Variants in ASAH1 observed in about 807,000 individuals in gnomAD.
The protein encoded by ASAH1 is acid ceramidase.
In ASAH1, 70 loss-of-function variants were observed where a neutral mutation model predicts 59.5. The ratio of observed to expected loss-of-function variants is 1.18; its 90% CI spans 0.97 to 1.43. The LOEUF (loss-of-function observed/expected upper bound fraction) is 1.43, where lower values mean the gene tolerates loss of function less well. ASAH1 is among the 40% of genes most tolerant of loss of function. The probability of loss-of-function intolerance (pLI) is 0.00; values close to 1 mark genes in which losing one functional copy is unlikely to be tolerated. For synonymous variants in ASAH1, 213 were observed against 166.5 expected, an observed-to-expected ratio of 1.28 and a Z score of -2.15; for missense variants, 660 against 482.5, an observed-to-expected ratio of 1.37 and a Z score of -3.45.
At position 18,059,629 on chromosome 8, in the gene ASAH1, T is replaced by C; in HGVS notation, c.860A>G (p.Gln287Arg). ...APAYFILGGN[Q>R]SGEGCVITRD... ...TGTAATCACACAACCTTCCCCAGAC[T>C]GGTTGCCTCCCAGGATAAAGTAGGC... The change falls in exon 11 of 14, where the codon CAG (glutamine) becomes CGG (arginine). Residue 287 changes from glutamine to arginine, a missense_variant. Physicochemically the swap from Gln to Arg is conservative, Grantham distance 43 (BLOSUM62 1). Coordinates refer to ENST00000637790, the MANE Select transcript of ASAH1 (RefSeq NM_177924.5). 6.2e-7 allele frequency: 1 copy of C among 1,614,248 alleles called. No individual in the cohort carries two copies. Among genetic ancestry groups the C allele is most frequent in the South Asian group, 1.1e-5 (1 of 91,090 alleles).
At chr8:18,073,382 C>A in intron 2 of ASAH1, 1 of 1,104,950 alleles carries the variant, frequency 9.1e-7, no homozygotes. Context: ...CAAGAAATAT[C>A]ATTTCATCAT....
chr8:18,076,664 G>A (rs1800416356), intron 1 of ASAH1: 2 of 152,138 alleles, frequency 1.3e-5, no homozygotes, highest in African/African-American at 4.8e-5. Context: ...TCTTGGAACT[G>A]TAGCTTGAGC....
At chr8:18,069,472 C>T in intron 4 of ASAH1, 1 of 262,182 alleles carries the variant, frequency 3.8e-6, no homozygotes, top group African/African-American at 2.2e-5. Flanking sequence ...CCCTGAGACA[C>T]TTAAGAAAAA....
chr8:18,061,269 C>G (rs1026863978), intron 10 of ASAH1, 108 bp downstream of exon 10: 19 of 978,542 alleles, frequency 1.9e-5, no homozygotes, highest in Middle Eastern at 3.2e-4. Flanking sequence ...CTAAGAAATT[C>G]TGCAATAGTT....
intron 7 of ASAH1, 74 bp from the exon 8 acceptor site, chr8:18,062,497 G>GC: frequency 6.6e-7 from 1 of 1,511,336 alleles, no homozygotes; most frequent in Non-Finnish European, 9.2e-7. Context: ...TGAGGGCCAG[G>GC]CATTACACTA....
chr8:18,065,882 TTGTGTGTG>T (rs71215300), intron 5 of ASAH1: 16 of 143,542 alleles, frequency 1.1e-4, no homozygotes, highest in Admixed American at 2.8e-4. Context: ...CAGATACACA[TTGTGTGTG>T]TGTGTGTGTG....
At chr8:18,064,603 A>C (rs1234941163) in intron 5 of ASAH1, 72 bp from the exon 6 acceptor site, 2 of 905,086 alleles carry the variant, frequency 2.2e-6, no homozygotes, top group African/African-American at 3.3e-5. Flanking sequence ...TTTAAGAAAA[A>C]GTTTCAGTGT....
intron 7 of ASAH1, 53 bp from the exon 8 acceptor site, chr8:18,062,476 C>A: frequency 6.2e-7 from 1 of 1,600,600 alleles, no homozygotes; most frequent in Non-Finnish European, 8.6e-7. Flanking sequence ...TAGTAATGAT[C>A]AACATGATGA....
chr8:18,084,384 G>A (rs1800804945), upstream of ASAH1: 4 of 1,401,942 alleles, frequency 2.9e-6, no homozygotes, highest in East Asian at 2.7e-5. Flanking sequence ...GCCCCGCCCC[G>A]TAGGTGGGGC....
intron 1 of ASAH1, 145 bp downstream of exon 1, chr8:18,083,836 C>T: frequency 1.3e-6 from 2 of 1,488,492 alleles, no homozygotes; most frequent in Admixed American, 2.1e-5. Context: ...TGCACCCACA[C>T]CCCTGTGCAC....
intron 13 of ASAH1, 193 bp downstream of exon 13, chr8:18,058,642 G>T: frequency 1.6e-6 from 1 of 607,856 alleles, no homozygotes; most frequent in Middle Eastern, 4.5e-4. Flanking sequence ...GACCTATCAA[G>T]CCTCAGTGAT....
chr8:18,074,423 G>A (rs374001449), intron 2 of ASAH1, among the ~76,000 whole-genome samples: 1 of 152,200 alleles, frequency 6.6e-6, no homozygotes, highest in Non-Finnish European at 1.5e-5. Flanking sequence ...CGCTATCTGG[G>A]ACAGAGGCTA....
Position 18,083,917 on chromosome 8 carries a change from C to T in ASAH1, c.78+64G>A, listed in dbSNP as rs1800772359. On this transcript the variant is annotated intron_variant, in intron 1 of 13. Coordinates refer to ENST00000637790, the MANE Select transcript of ASAH1 (RefSeq NM_177924.5). Reference sequence around the variant, plus strand: ...CTTGTACCCGCTCGCGCCGCCACACCTGCGCCTCCATCCGCGCCCGCACCT... The same window carrying T: ...CTTGTACCCGCTCGCGCCGCCACACTTGCGCCTCCATCCGCGCCCGCACCT... The T allele has an allele frequency of 3.0e-5, 47 of 1,554,346 alleles. No homozygotes were observed. In the South Asian group the frequency reaches 5.0e-4, roughly 16 times the overall value.
At chr8:18,063,571 G>A (rs569501448) in intron 6 of ASAH1, 7 of 251,686 alleles carry the variant, frequency 2.8e-5, no homozygotes, top group Non-Finnish European at 3.9e-5. Context: ...CGCCCGCCTC[G>A]GCCTCGCAAA....
intron 5 of ASAH1, chr8:18,065,902 GTGTGTGTGTA>G (rs1799910475): frequency 6.6e-6 from 1 of 150,942 alleles, no homozygotes; most frequent in African/African-American, 2.5e-5. Flanking sequence ...GTGTGTGTGT[GTGTGTGTGTA>G]TATATATATG....
chr8:18,058,623 C>A, intron 13 of ASAH1: 1 of 582,300 alleles, frequency 1.7e-6, no homozygotes, highest in East Asian at 2.9e-5. Flanking sequence ...AAGCTATAAA[C>A]AATATTCTGA....
At chr8:18,058,154 G>A (rs1488064082) in intron 13 of ASAH1, 1 of 153,472 alleles carries the variant, frequency 6.5e-6, no homozygotes, top group African/African-American at 2.4e-5. Context: ...GCTCAAAGAT[G>A]GTATAGGCAA....
intron 13 of ASAH1, chr8:18,057,981 C>T (rs558533226): frequency 5.0e-5 from 8 of 160,116 alleles, no homozygotes; most frequent in African/African-American, 1.2e-4. Flanking sequence ...CCCTCCTTGA[C>T]GCACAGCTGG....
chr8:18,062,383 G>A lies in ASAH1; in HGVS notation c.544C>T (p.Leu182=), dbSNP rs137853597. 25 of 1,613,990 alleles carry A rather than the reference G, an allele frequency of 1.5e-5. No homozygotes were observed. Among genetic ancestry groups the A allele is most frequent in the Non-Finnish European group, 1.9e-5 (23 of 1,180,016 alleles). ...TCCAAATTCACTGTTAAAGGTTTTAGTTGCTCAGTTATGACCCAGGTATCA... is the reference window on the plus strand; with the variant it reads ...TCCAAATTCACTGTTAAAGGTTTTAATTGCTCAGTTATGACCCAGGTATCA... The part of the protein sequence containing the change: ...NNDTWVITEQ[L]KPLTVNLDFQ... The change falls in exon 8 of 14, where the codon CTA becomes TTA. Residue 182 remains leucine (L), a synonymous_variant. Coordinates refer to ENST00000637790, the MANE Select transcript of ASAH1 (RefSeq NM_177924.5).
Sources: allele counts gnomAD v4.1 joint callset (sites outside exome capture counted in the v4.1 genomes callset), GRCh38; gene constraint gnomAD v4.1.1; transcripts MANE v1.5; gene names NCBI Gene and HGNC (gene_info 2026-07-23, HGNC 2026-07-21).